Variants in ATP8A1 observed in about 807,000 individuals in gnomAD.
ATP8A1 encodes the protein phospholipid-transporting ATPase IA.
ATP8A1 carries 90 observed loss-of-function variants against 177.7 expected under a neutral mutation model. That is an observed-to-expected ratio of 0.51 (90% CI 0.43 to 0.60). The LOEUF is 0.60. Among genes scored for constraint, ATP8A1 ranks in the 20% least tolerant of loss-of-function variants. ATP8A1 has a pLI of 0.00. For missense variants in ATP8A1, 1,072 were observed against 1,392.8 expected (o/e 0.77, Z 3.67); for synonymous variants, 493 against 485.9 (o/e 1.01, Z -0.19).
chr4:42,530,445 T>C (rs978714246), intron 20 of ATP8A1, among the ~76,000 whole-genome samples: 1 of 152,220 alleles, frequency 6.6e-6, no homozygotes, highest in Non-Finnish European at 1.5e-5. Context: ...AAGACTACCA[T>C]CTGTGGACTC....
At chr4:42,521,471 G>A (rs549531532) in intron 22 of ATP8A1, among the ~76,000 whole-genome samples, 1 of 152,302 alleles carries the variant, frequency 6.6e-6, no homozygotes, top group South Asian at 2.1e-4. Flanking sequence ...ACACAAAAAT[G>A]TTTTCTTAAT....
chr4:42,652,712 A>G (rs1741221741), intron 1 of ATP8A1, among the ~76,000 whole-genome samples: 1 of 152,162 alleles, frequency 6.6e-6, no homozygotes, highest in South Asian at 2.1e-4. Context: ...ATGACAGTGA[A>G]TAAGTCTCAC....
At chr4:42,493,991 C>G (rs1414175161) in intron 24 of ATP8A1, among the ~76,000 whole-genome samples, 1 of 151,754 alleles carries the variant, frequency 6.6e-6, no homozygotes, top group African/African-American at 2.4e-5. Context: ...CACTTGAGGT[C>G]AGGAGTTTGA....
intron 6 of ATP8A1, 91 bp from the exon 7 acceptor site, chr4:42,590,975 G>A: frequency 8.5e-7 from 1 of 1,171,532 alleles, no homozygotes; most frequent in African/African-American, 1.6e-5. Flanking sequence ...GAGACAGAAA[G>A]TTCGAAATTA....
At chr4:42,577,660 G>A (rs1333224171) in intron 12 of ATP8A1, among the ~76,000 whole-genome samples, 3 of 152,032 alleles carry the variant, frequency 2.0e-5, no homozygotes, top group Non-Finnish European at 4.4e-5. Context: ...TTAGAAAGTA[G>A]ATGTCCAACA....
chr4:42,538,894 A>T (rs1257026969), intron 20 of ATP8A1, among the ~76,000 whole-genome samples: 2 of 152,212 alleles, frequency 1.3e-5, no homozygotes, highest in Non-Finnish European at 2.9e-5. Context: ...TGATCCAGCA[A>T]TCCCACTCCT....
chr4:42,493,675 T>C (rs970065800), intron 24 of ATP8A1, among the ~76,000 whole-genome samples: 7 of 152,194 alleles, frequency 4.6e-5, no homozygotes, highest in Non-Finnish European at 1.0e-4. Context: ...TCCGAATCCT[T>C]GCTCTGCCGC....
chr4:42,626,502 CATT>C (rs1371487802), intron 2 of ATP8A1: 1 of 155,872 alleles, frequency 6.4e-6, no homozygotes, highest in Non-Finnish European at 1.4e-5. Flanking sequence ...ATACTTTTTA[CATT>C]ATTGTTGGAA....
intron 1 of ATP8A1, among the ~76,000 whole-genome samples, chr4:42,635,782 C>CACACATATATATATATATATATAT (rs1553920597): frequency 1.9e-5 from 1 of 51,988 alleles, no homozygotes; most frequent in Non-Finnish European, 4.2e-5. Flanking sequence ...CACACACACA[C>CACACATATATATATATATATATAT]ATATATATAT....
chr4:42,515,239 AC>A (rs1375521766), intron 22 of ATP8A1, among the ~76,000 whole-genome samples: 1 of 152,242 alleles, frequency 6.6e-6, no homozygotes, highest in Non-Finnish European at 1.5e-5. Context: ...GGAATTTTAA[AC>A]CACGAAATCA....
intron 15 of ATP8A1, chr4:42,562,009 C>T (rs1329071627): frequency 6.6e-6 from 1 of 152,140 alleles, no homozygotes; most frequent in African/African-American, 2.4e-5. Flanking sequence ...CATCTTTCTG[C>T]TTTTTATAAT....
At position 42,648,912 on chromosome 4, in the gene ATP8A1, A is replaced by G. The variant is rs1740818833; in HGVS notation, c.49+7913T>C. On this transcript the variant is annotated intron_variant, in intron 1 of 36. Coordinates refer to ENST00000381668, the MANE Select transcript of ATP8A1 (RefSeq NM_006095.2). ...ATAAGGAGGAAGAAAAATGCTATACAGTGCTGCAAAAGGGATAAACAGGCA... is the reference window on the plus strand; with the variant it reads ...ATAAGGAGGAAGAAAAATGCTATACGGTGCTGCAAAAGGGATAAACAGGCA... Among the ~76,000 whole-genome samples the G allele has an allele frequency of 1.3e-5, 2 of 152,232 alleles. 1 individual carries two copies. The highest frequency in any genetic ancestry group is 2.9e-5 in the Non-Finnish European group (2 of 68,034).
chr4:42,553,577 T>G (rs1560451620), intron 16 of ATP8A1, among the ~76,000 whole-genome samples: 1 of 151,974 alleles, frequency 6.6e-6, no homozygotes, highest in Non-Finnish European at 1.5e-5. Flanking sequence ...AAGAGAAATG[T>G]CATTCAATTT....
At chr4:42,567,075 C>G (rs1464150428) in intron 15 of ATP8A1, among the ~76,000 whole-genome samples, 1 of 152,160 alleles carries the variant, frequency 6.6e-6, no homozygotes, top group African/African-American at 2.4e-5. Context: ...TCAACAGTAC[C>G]AGTAGAATGA....
intron 15 of ATP8A1, 24 bp downstream of exon 15, chr4:42,569,137 G>A: frequency 6.4e-7 from 1 of 1,566,116 alleles, no homozygotes; most frequent in Non-Finnish European, 8.7e-7. Context: ...GGATCAATGA[G>A]GCAGAAAGTT....
intron 7 of ATP8A1, among the ~76,000 whole-genome samples, chr4:42,589,274 A>G (rs1165250262): frequency 6.6e-6 from 1 of 152,238 alleles, no homozygotes; most frequent in Non-Finnish European, 1.5e-5. Flanking sequence ...TGGTTATATA[A>G]TAGGCTTAAT....
chr4:42,499,274 C>T (rs148994492), intron 24 of ATP8A1, among the ~76,000 whole-genome samples: 164 of 152,274 alleles, frequency 1.1e-3, no homozygotes, highest in African/African-American at 3.6e-3. Context: ...AACATCATGC[C>T]TGTTGATTTA....
At chr4:42,453,958 A>G (rs1185727116) in intron 29 of ATP8A1, among the ~76,000 whole-genome samples, 1 of 152,196 alleles carries the variant, frequency 6.6e-6, no homozygotes, top group Non-Finnish European at 1.5e-5. Flanking sequence ...TTTAATACAA[A>G]CTGGGCATCA....
At chr4:42,534,379 C>G (rs1375086749) in intron 20 of ATP8A1, among the ~76,000 whole-genome samples, 4 of 152,006 alleles carry the variant, frequency 2.6e-5, no homozygotes, top group African/African-American at 7.3e-5. Context: ...TGGAAAGTCT[C>G]AACAACAGAT....
Sources: gnomAD v4.1 joint callset for allele counts (sites outside exome capture counted in the v4.1 genomes callset) on GRCh38, gnomAD v4.1.1 for gene constraint, MANE v1.5 for transcripts, NCBI Gene and HGNC (gene_info 2026-07-23, HGNC 2026-07-21) for gene names.